CPQ: variants seen among roughly 807,000 people sequenced by gnomAD.
CPQ encodes carboxypeptidase Q.
CPQ carries 37 observed loss-of-function variants against 45.7 expected under a neutral mutation model. The observed-to-expected ratio is 0.81, with a 90% CI of 0.62 to 1.07. CPQ has a LOEUF of 1.07. Ranked by LOEUF, CPQ falls within the 50% of genes least tolerant of loss-of-function variation. CPQ has a pLI of 0.00. For missense variants in CPQ, 537 were observed against 572.9 expected (o/e 0.94, Z 0.64); for synonymous variants, 186 against 205.8 (o/e 0.90, Z 0.82).
intron 2 of CPQ, among the ~76,000 whole-genome samples, chr8:96,800,700 T>TA (rs1283595322): frequency 6.6e-6 from 1 of 152,108 alleles, no homozygotes; most frequent in Non-Finnish European, 1.5e-5. Context: ...TTTAAAAAAG[T>TA]AAAAAATAGA....
At chr8:97,125,020 G>GA (rs1432716546) in intron 7 of CPQ, among the ~76,000 whole-genome samples, 2 of 152,040 alleles carry the variant, frequency 1.3e-5, no homozygotes, top group Admixed American at 6.6e-5. Flanking sequence ...AGCTGGTCAA[G>GA]AAAAAAGAGA....
intron 1 of CPQ, among the ~76,000 whole-genome samples, chr8:96,757,351 A>AATGATG (rs1031266236): frequency 6.3e-5 from 5 of 79,886 alleles, no homozygotes; most frequent in African/African-American, 2.0e-4. Flanking sequence ...ACTCCATCTC[A>AATGATG]ATGATAATAA....
At chr8:97,059,256 TG>T (rs1367884283) in intron 6 of CPQ, among the ~76,000 whole-genome samples, 1 of 152,182 alleles carries the variant, frequency 6.6e-6, no homozygotes, top group East Asian at 1.9e-4. Context: ...CTACTCATTC[TG>T]TTCCTGTCTC....
Position 97,133,202 on chromosome 8 carries a change from ATATT to A in CPQ, c.1256-9814_1256-9811del, listed in dbSNP as rs1461120192. The A allele has an allele frequency of 6.6e-5, 10 of 152,260 alleles. 1 individual carries two copies. The East Asian group carries it at 1.9e-3, about 29-fold the overall frequency. The allele number at this position is 152,260 out of a possible 1,614,324, so 9.4% of individuals were successfully genotyped here. ...ATATACTCTCTCTCCATATATACAT[ATATT>A]TATATTTATGCACATGTAAATACAT... On this transcript the variant is annotated intron_variant, in intron 7 of 7. Coordinates refer to ENST00000220763, the MANE Select transcript of CPQ (RefSeq NM_016134.4).
At chr8:96,873,724 AT>A in intron 3 of CPQ, among the ~76,000 whole-genome samples, 1 of 151,866 alleles carries the variant, frequency 6.6e-6, no homozygotes, top group East Asian at 1.9e-4. Flanking sequence ...GCTTTAAACT[AT>A]TTGTGAATAA....
At chr8:96,729,448 T>G (rs1320880678) in intron 1 of CPQ, among the ~76,000 whole-genome samples, 2 of 152,184 alleles carry the variant, frequency 1.3e-5, no homozygotes, top group Non-Finnish European at 2.9e-5. Flanking sequence ...CCTATCTTCA[T>G]TATAAGAAGG....
intron 2 of CPQ, among the ~76,000 whole-genome samples, chr8:96,802,102 T>A (rs1237880973): frequency 2.6e-5 from 4 of 152,122 alleles, no homozygotes; most frequent in African/African-American, 9.7e-5. Context: ...CCCTCTCCCT[T>A]TCTTTCTCTT....
intron 7 of CPQ, among the ~76,000 whole-genome samples, chr8:97,082,447 A>AT (rs1810966529): frequency 6.6e-6 from 1 of 152,188 alleles, no homozygotes; most frequent in Non-Finnish European, 1.5e-5. Flanking sequence ...AGGTAAATAC[A>AT]ATAACCAGCT....
chr8:97,008,941 GTAGTC>G (rs1419803233), intron 5 of CPQ, among the ~76,000 whole-genome samples: 2 of 152,292 alleles, frequency 1.3e-5, no homozygotes, highest in Non-Finnish European at 2.9e-5. Context: ...TGACACCATG[GTAGTC>G]TGTCTAGCTT....
intron 7 of CPQ, among the ~76,000 whole-genome samples, chr8:97,090,848 CCT>C (rs2130565398): frequency 6.6e-6 from 1 of 152,222 alleles, no homozygotes; most frequent in East Asian, 1.9e-4. Context: ...ACTAGAGAAA[CCT>C]CTCATTGTTT....
intron 2 of CPQ, among the ~76,000 whole-genome samples, chr8:96,818,557 G>A (rs1811259936): frequency 6.6e-6 from 1 of 152,050 alleles, no homozygotes; most frequent in South Asian, 2.1e-4. Context: ...AAAAGGCAAA[G>A]CAAATAAAAT....
At chr8:96,918,819 G>T (rs1208648796) in intron 4 of CPQ, among the ~76,000 whole-genome samples, 1 of 152,052 alleles carries the variant, frequency 6.6e-6, no homozygotes, top group Non-Finnish European at 1.5e-5. Context: ...GAAGGATGTG[G>T]GTTTCAGTTG....
At chr8:96,847,316 T>C (rs1811708685) in intron 3 of CPQ, among the ~76,000 whole-genome samples, 1 of 152,210 alleles carries the variant, frequency 6.6e-6, no homozygotes, top group Non-Finnish European at 1.5e-5. Flanking sequence ...AAGTTGCAAA[T>C]GTTTTTCTAA....
At chr8:96,861,516 G>A (rs1321861010) in intron 3 of CPQ, among the ~76,000 whole-genome samples, 1 of 152,036 alleles carries the variant, frequency 6.6e-6, no homozygotes, top group Non-Finnish European at 1.5e-5. Flanking sequence ...AGTACATGAC[G>A]AGGATGTCAC....
At chr8:96,685,051 C>G (rs911684108) in intron 1 of CPQ, among the ~76,000 whole-genome samples, 6 of 151,920 alleles carry the variant, frequency 3.9e-5, no homozygotes, top group Middle Eastern at 3.4e-3. Context: ...TTGCAGTGAG[C>G]TGAGCTCGTG....
intron 7 of CPQ, among the ~76,000 whole-genome samples, chr8:97,096,528 AAG>A (rs1811212718): frequency 6.6e-6 from 1 of 152,196 alleles, no homozygotes; most frequent in African/African-American, 2.4e-5. Flanking sequence ...TAAAAATGGA[AAG>A]AGAGAAAGTT....
intron 3 of CPQ, among the ~76,000 whole-genome samples, chr8:96,849,773 G>C (rs930621962): frequency 6.6e-6 from 1 of 152,162 alleles, no homozygotes; most frequent in African/African-American, 2.4e-5. Context: ...GCCTGATCCA[G>C]TTTTTGGTGG....
intron 4 of CPQ, among the ~76,000 whole-genome samples, chr8:96,962,591 A>C (rs921851641): frequency 1.3e-5 from 2 of 152,222 alleles, no homozygotes; most frequent in Non-Finnish European, 2.9e-5. Flanking sequence ...ACTCAGATCC[A>C]AGTTTATTAT....
intron 1 of CPQ, among the ~76,000 whole-genome samples, chr8:96,689,361 A>G (rs898405542): frequency 8.5e-5 from 13 of 152,170 alleles, no homozygotes; most frequent in Admixed American, 5.2e-4. Flanking sequence ...AGTTTTGTTA[A>G]TTACACATTG....
Sources: gnomAD v4.1 joint callset for allele counts (sites outside exome capture counted in the v4.1 genomes callset) on GRCh38, gnomAD v4.1.1 for gene constraint, MANE v1.5 for transcripts, NCBI Gene and HGNC (gene_info 2026-07-23, HGNC 2026-07-21) for gene names.